The following SLC20A2 variants were observed in gnomAD, a reference collection of about 807,000 sequenced individuals.
SLC20A2 encodes sodium-dependent phosphate transporter 2.
In SLC20A2, 30 loss-of-function variants were observed where a neutral mutation model predicts 61.0. The observed-to-expected ratio is 0.49, with a 90% CI of 0.37 to 0.67. The LOEUF is 0.67. SLC20A2 is among the 30% of genes least tolerant of loss of function. The pLI, the probability that SLC20A2 is intolerant of heterozygous loss-of-function variation, is 0.00. For synonymous variants in SLC20A2, 351 were observed against 353.3 expected (o/e 0.99, Z 0.07); for missense variants, 626 against 866.4 (o/e 0.72, Z 3.48).
chr8:42,486,528 AT>A (rs1809026272), intron 1 of SLC20A2, among the ~76,000 whole-genome samples: 1 of 152,122 alleles, frequency 6.6e-6, no homozygotes, highest in Admixed American at 6.5e-5. Context: ...CTAGCAATGG[AT>A]GGAATCTCTG....
intron 8 of SLC20A2, among the ~76,000 whole-genome samples, 164 bp downstream of exon 8, chr8:42,436,825 C>A (rs898052564): frequency 6.6e-6 from 1 of 152,222 alleles, no homozygotes; most frequent in Non-Finnish European, 1.5e-5. Flanking sequence ...CTCGCTGTCC[C>A]GCACGCAATG....
rs1804325859 is a variant in SLC20A2 at position 42,437,070 on chromosome 8, G to A, written c.1442C>T (p.Pro481Leu). Residue 481 changes from proline (P) to leucine (L), a missense_variant, in exon 8 of 11, where the codon CCC becomes CTC. By Grantham distance (98) the Pro-to-Leu change is moderately conservative. Coordinates refer to ENST00000520262, the MANE Select transcript of SLC20A2 (RefSeq NM_001257180.2). The surrounding 1 kb of genome is among the most constrained non-coding windows in gnomAD (Gnocchi z 6.4). Reference sequence around the variant, plus strand: ...GAAATGGAACAGGAGGTGAACCTCGGGTGCGTCCTTCTCCTCCTTCTCCTC... The same window carrying A: ...GAAATGGAACAGGAGGTGAACCTCGAGTGCGTCCTTCTCCTCCTTCTCCTC... ...AEEEKEEKDA[P>L]EVHLLFHFLQ... 2 of 1,614,030 alleles carry A rather than the reference G, an allele frequency of 1.2e-6. No homozygotes were observed. The highest frequency in any genetic ancestry group is 1.7e-6 in the Non-Finnish European group (2 of 1,180,006).
intron 1 of SLC20A2, among the ~76,000 whole-genome samples, chr8:42,483,728 C>A (rs538303184): frequency 2.6e-5 from 4 of 152,340 alleles, no homozygotes; most frequent in African/African-American, 7.2e-5. Context: ...GTGAGCAAAT[C>A]GCTTAACATA....
chr8:42,512,078 G>A (rs374553704), intron 1 of SLC20A2, among the ~76,000 whole-genome samples: 5 of 152,116 alleles, frequency 3.3e-5, no homozygotes, highest in African/African-American at 4.8e-5. Flanking sequence ...TGTAGACTGC[G>A]AAATAAAAGC....
At chr8:42,487,527 G>A (rs144864486) in intron 1 of SLC20A2, among the ~76,000 whole-genome samples, 31 of 152,146 alleles carry the variant, frequency 2.0e-4, no homozygotes, top group Non-Finnish European at 4.0e-4. Flanking sequence ...CTTCTCTGTC[G>A]GTTCTCCCAC....
intron 9 of SLC20A2, among the ~76,000 whole-genome samples, chr8:42,429,351 A>C (rs745766597): frequency 7.2e-5 from 11 of 152,190 alleles, no homozygotes; most frequent in Non-Finnish European, 1.6e-4. Flanking sequence ...CTTTCTCTGC[A>C]GATGCGGGGC....
At chr8:42,439,391 C>A (rs1804583096) in intron 7 of SLC20A2, 59 bp downstream of exon 7, 2 of 1,545,756 alleles carry the variant, frequency 1.3e-6, no homozygotes, top group Admixed American at 1.8e-5. Flanking sequence ...CCCAGCTGGT[C>A]CTCCCCAGGG....
At chr8:42,448,218 G>T (rs1393726002) in intron 5 of SLC20A2, among the ~76,000 whole-genome samples, 1 of 152,230 alleles carries the variant, frequency 6.6e-6, no homozygotes, top group Non-Finnish European at 1.5e-5. Flanking sequence ...TTTTGCTGAT[G>T]ATACAATTAC....
intron 1 of SLC20A2, among the ~76,000 whole-genome samples, chr8:42,511,925 G>C (rs1428993709): frequency 6.6e-6 from 1 of 152,044 alleles, no homozygotes. Context: ...CAACAACTCA[G>C]CTCTCAGAAC....
At chr8:42,449,550 T>C (rs1444205574) in intron 5 of SLC20A2, among the ~76,000 whole-genome samples, 1 of 152,222 alleles carries the variant, frequency 6.6e-6, no homozygotes, top group African/African-American at 2.4e-5. Context: ...TATAAACAAA[T>C]AAAACTTATA....
intron 2 of SLC20A2, among the ~76,000 whole-genome samples, chr8:42,467,468 G>A (rs1475446270): frequency 6.6e-6 from 1 of 152,258 alleles, no homozygotes; most frequent in African/African-American, 2.4e-5. Flanking sequence ...GGGCCTGGCT[G>A]ATAAGCTGGG....
At chr8:42,423,855 G>A (rs1457335252) in intron 10 of SLC20A2, among the ~76,000 whole-genome samples, 1 of 152,192 alleles carries the variant, frequency 6.6e-6, no homozygotes, top group Admixed American at 6.5e-5. Flanking sequence ...TAAATCGAGT[G>A]TGTTTCCAGT....
intron 8 of SLC20A2, among the ~76,000 whole-genome samples, chr8:42,430,876 G>A (rs1474908677): frequency 1.3e-5 from 2 of 152,056 alleles, no homozygotes; most frequent in Admixed American, 1.3e-4. Flanking sequence ...TTGTTTTGGG[G>A]TGCCATGAAC....
chr8:42,511,301 G>T (rs1310602689), intron 1 of SLC20A2, among the ~76,000 whole-genome samples: 1 of 152,128 alleles, frequency 6.6e-6, no homozygotes, highest in Non-Finnish European at 1.5e-5. Context: ...GCTGTAAATG[G>T]GTATGATCTG....
At chr8:42,465,939 A>T (rs752640090) in intron 2 of SLC20A2, 22 bp from the exon 3 acceptor site, 1 of 1,603,350 alleles carries the variant, frequency 6.2e-7, no homozygotes, top group Admixed American at 1.8e-5. Flanking sequence ...AGGACAAAAA[A>T]CCATCAGATA....
intron 9 of SLC20A2, among the ~76,000 whole-genome samples, chr8:42,429,702 C>G (rs1052202498): frequency 2.6e-5 from 4 of 152,194 alleles, no homozygotes; most frequent in African/African-American, 9.6e-5. Context: ...AGAGAACTTT[C>G]AGGAAAGGCC....
chr8:42,492,714 A>C (rs1316911349), intron 1 of SLC20A2, among the ~76,000 whole-genome samples: 1 of 147,566 alleles, frequency 6.8e-6, no homozygotes, highest in East Asian at 2.0e-4. Context: ...TTTGAGACGG[A>C]GTTTCGCTCT....
chr8:42,440,521 T>C (rs768872183), intron 6 of SLC20A2, among the ~76,000 whole-genome samples: 1 of 152,230 alleles, frequency 6.6e-6, no homozygotes, highest in Non-Finnish European at 1.5e-5. Context: ...CACCACAGTT[T>C]ATTTATTCTG....
intron 1 of SLC20A2, among the ~76,000 whole-genome samples, chr8:42,527,756 G>T: frequency 6.6e-6 from 1 of 151,208 alleles, no homozygotes; most frequent in Admixed American, 6.6e-5. Context: ...CAACAAGAGC[G>T]AAACTCCGTC....
Sources: allele counts gnomAD v4.1 joint callset (sites outside exome capture counted in the v4.1 genomes callset), GRCh38; gene constraint gnomAD v4.1.1; non-coding constraint Gnocchi (gnomAD v3.1); transcripts MANE v1.5; gene names NCBI Gene and HGNC (gene_info 2026-07-23, HGNC 2026-07-21).